TESC: variants seen among roughly 807,000 people sequenced by gnomAD.
TESC encodes the protein calcineurin B homologous protein 3.
In TESC, 19 loss-of-function variants were observed where a neutral mutation model predicts 31.0. The ratio of observed to expected loss-of-function variants is 0.61; its 90% confidence interval spans 0.43 to 0.90. The LOEUF (loss-of-function observed/expected upper bound fraction) is 0.90. Among genes scored for constraint, TESC ranks in the 40% least tolerant of loss-of-function variants. The pLI, the probability that TESC is intolerant of heterozygous loss-of-function variation, is 0.00. For synonymous variants in TESC, 109 were observed against 114.8 expected (o/e 0.95, Z 0.32); for missense variants, 248 against 303.8 (o/e 0.82, Z 1.36).
intron 1 of TESC, among the ~76,000 whole-genome samples, chr12:117,076,584 C>T (rs558176697): frequency 3.6e-4 from 55 of 152,268 alleles, no homozygotes; most frequent in Admixed American, 5.9e-4. Flanking sequence ...GCTGGGATTA[C>T]AGGCACGCGC....
chr12:117,051,632 A>G (rs1230827023), intron 3 of TESC, among the ~76,000 whole-genome samples: 3 of 152,208 alleles, frequency 2.0e-5, no homozygotes, highest in East Asian at 1.9e-4. Context: ...CGACTGGCTC[A>G]CACGTCCTTC....
In TESC at chr12:117,046,598, C is replaced by A; in HGVS notation, c.480G>T (p.Gly160=). ...EKESARSIAD[G]AMMEAASVCM... ...ACACGCTGGCCGCCTCCATCATGGC[C>A]CCGTCGGCGATGGAGCGAGCGGACT... Residue 160 remains glycine (G), a synonymous_variant, in exon 6 of 8, where the codon GGG becomes GGT. Coordinates refer to ENST00000335209, the MANE Select transcript of TESC (RefSeq NM_017899.4). 1 of 1,551,312 alleles carries A rather than the reference C, an allele frequency of 6.4e-7. No individual in the cohort carries two copies. The highest frequency in any genetic ancestry group is 8.7e-7 in the Non-Finnish European group (1 of 1,147,004).
At chr12:117,046,316 C>CT (rs1264817906) in intron 6 of TESC, among the ~76,000 whole-genome samples, 5 of 152,206 alleles carry the variant, frequency 3.3e-5, no homozygotes, top group Non-Finnish European at 5.9e-5. Flanking sequence ...CAGGTGGGGG[C>CT]TCCTGGACCC....
At chr12:117,096,551 G>A (rs1293309837) in intron 1 of TESC, among the ~76,000 whole-genome samples, 1 of 151,638 alleles carries the variant, frequency 6.6e-6, no homozygotes, top group Non-Finnish European at 1.5e-5. Context: ...GGCTCGGAGC[G>A]ACCAGGACAT....
chr12:117,081,376 T>C (rs1007572210), intron 1 of TESC, among the ~76,000 whole-genome samples: 1 of 152,176 alleles, frequency 6.6e-6, no homozygotes, highest in African/African-American at 2.4e-5. Context: ...TTAATTTCTT[T>C]ACTTGTCTTA....
chr12:117,088,195 T>A (rs1955246799), intron 1 of TESC, among the ~76,000 whole-genome samples: 1 of 151,902 alleles, frequency 6.6e-6, no homozygotes, highest in African/African-American at 2.4e-5. Context: ...TAGAGAAAAA[T>A]TTCTCCATTT....
In TESC at chr12:117,046,548, G is replaced by A. The variant is rs1362635129; in HGVS notation, c.519+11C>T. The A allele has an allele frequency of 6.5e-7, 1 of 1,546,260 alleles. No homozygotes were observed. The highest frequency in any genetic ancestry group is 2.0e-5 in the Admixed American group (1 of 50,802). On this transcript the variant is annotated intron_variant, in intron 6 of 7. Coordinates refer to ENST00000335209, the MANE Select transcript of TESC (RefSeq NM_017899.4). Reference sequence around the variant, plus strand: ...CACTGCGCGTCTCGGGAGGGCTGCAGGGGCGCTCACCATCTGCCCCATGCA... The same window carrying A: ...CACTGCGCGTCTCGGGAGGGCTGCAAGGGCGCTCACCATCTGCCCCATGCA...
chr12:117,047,432 T>C (rs1251493173), intron 4 of TESC, among the ~76,000 whole-genome samples: 1 of 151,940 alleles, frequency 6.6e-6, no homozygotes, highest in African/African-American at 2.4e-5. Context: ...TTTTAATGTA[T>C]TTATTTTTTC....
intron 2 of TESC, among the ~76,000 whole-genome samples, chr12:117,069,134 G>A (rs140192580): frequency 3.4e-4 from 51 of 151,836 alleles, no homozygotes; most frequent in East Asian, 2.5e-3. Flanking sequence ...GCATTTTGCC[G>A]AGAGGCCACA....
chr12:117,056,902 G>A lies in TESC; in HGVS notation c.129-16C>T, dbSNP rs1404864819. 2.5e-6 allele frequency: 4 copies of A among 1,613,222 alleles called. No homozygotes were observed. Among genetic ancestry groups the A allele is most frequent in the Non-Finnish European group, 3.4e-6 (4 of 1,179,328 alleles). ...GTTCTCCTTGCTGGTTTCCAAGAAG[G>A]AGAGATACCGGGAAGAGAATAAGGA... On this transcript the variant is annotated splice_polypyrimidine_tract_variant and intron_variant, in intron 2 of 7. Coordinates refer to ENST00000335209, the MANE Select transcript of TESC (RefSeq NM_017899.4).
chr12:117,076,387 G>A (rs1955074705), intron 1 of TESC, among the ~76,000 whole-genome samples: 1 of 152,142 alleles, frequency 6.6e-6, no homozygotes, highest in African/African-American at 2.4e-5. Flanking sequence ...ATTAAACAAT[G>A]ATCTGCATTT....
intron 3 of TESC, among the ~76,000 whole-genome samples, chr12:117,050,828 G>C (rs796502962): frequency 6.6e-4 from 101 of 152,340 alleles, no homozygotes; most frequent in African/African-American, 2.3e-3. Flanking sequence ...AGGGGGCTGA[G>C]GTGGGAGGAT....
At chr12:117,081,896 ACT>A (rs1157567651) in intron 1 of TESC, among the ~76,000 whole-genome samples, 2 of 151,034 alleles carry the variant, frequency 1.3e-5, no homozygotes, top group Non-Finnish European at 3.0e-5. Flanking sequence ...AAGAGCAAAA[ACT>A]CTGTCTCAAA....
At chr12:117,070,095 A>G (rs937293223) in intron 2 of TESC, among the ~76,000 whole-genome samples, 2 of 152,230 alleles carry the variant, frequency 1.3e-5, no homozygotes, top group African/African-American at 4.8e-5. Context: ...AATTTTGTCC[A>G]TGCTCTGAAA....
intron 1 of TESC, among the ~76,000 whole-genome samples, chr12:117,075,923 G>GTGTGTGTGTGTA (rs1280720061): frequency 5.8e-5 from 4 of 68,708 alleles, no homozygotes; most frequent in African/African-American, 2.2e-4. Context: ...ATGTGTGTGT[G>GTGTGTGTGTGTA]TATATATATA....
intron 1 of TESC, among the ~76,000 whole-genome samples, 166 bp from the exon 2 acceptor site, chr12:117,075,506 A>C (rs908833728): frequency 6.6e-6 from 1 of 152,104 alleles, no homozygotes; most frequent in South Asian, 2.1e-4. Context: ...CAGCAGAGAA[A>C]GGATTTCCCG....
intron 1 of TESC, among the ~76,000 whole-genome samples, chr12:117,078,552 T>G (rs1030948963): frequency 1.4e-5 from 2 of 144,514 alleles, no homozygotes; most frequent in Non-Finnish European, 3.0e-5. Flanking sequence ...GAGTGCAAGA[T>G]GGAGGAAAAA....
chr12:117,041,845 T>C (rs1370159319), intron 7 of TESC, 102 bp downstream of exon 7: 3 of 1,245,790 alleles, frequency 2.4e-6, no homozygotes, highest in Admixed American at 2.7e-5. Flanking sequence ...CCAGGAAGCC[T>C]GTCCCTTGCT....
chr12:117,049,903 GAAAAAAA>G (rs66797686), intron 3 of TESC, among the ~76,000 whole-genome samples: 1,966 of 86,470 alleles, frequency 0.023, 33 homozygotes, highest in South Asian at 0.058. Flanking sequence ...CCTGTCTCAA[GAAAAAAA>G]AAAAAAAAAA....
Sources: allele counts gnomAD v4.1 joint callset (sites outside exome capture counted in the v4.1 genomes callset), GRCh38; gene constraint gnomAD v4.1.1; transcripts MANE v1.5; gene names NCBI Gene and HGNC (gene_info 2026-07-23, HGNC 2026-07-21).